Variants in RBFOX1 observed in about 807,000 individuals in gnomAD.
The protein encoded by RBFOX1 is RNA binding fox-1 homolog 1.
In RBFOX1, 8 loss-of-function variants were observed where a neutral mutation model predicts 57.7. That is an observed-to-expected ratio of 0.14 (90% CI 0.08 to 0.25). The LOEUF (loss-of-function observed/expected upper bound fraction) is 0.25. Among genes scored for constraint, RBFOX1 ranks in the 10% least tolerant of loss-of-function variants. The probability of loss-of-function intolerance (pLI) is 1.00; values close to 1 mark genes in which losing one functional copy is unlikely to be tolerated. For missense variants in RBFOX1, 611 were observed against 548.5 expected, an observed-to-expected ratio of 1.11 and a Z score of -1.14; for synonymous variants, 326 against 222.4, an observed-to-expected ratio of 1.47 and a Z score of -4.15.
In RBFOX1 at chr16:6,814,864, T is replaced by A. The variant is rs369015627; in HGVS notation, c.-16+160214T>A. Among the ~76,000 whole-genome samples the A allele has an allele frequency of 2.2e-4, 34 of 152,174 alleles. 1 individual carries two copies. Among genetic ancestry groups the A allele is most frequent in the East Asian group, 1.4e-3 (7 of 5,160 alleles). The stretch of plus-strand genomic sequence containing the variant: ...TCCTGATCCAGACGCCAAGAGAGGG[T>A]TCTTGGACCTTGCACAGAAAAGAAT... On this transcript the variant is annotated intron_variant, in intron 3 of 15. Coordinates refer to ENST00000550418, the MANE Select transcript of RBFOX1 (RefSeq NM_018723.4).
chr16:7,661,280 A>G (rs1035273948), intron 12 of RBFOX1, among the ~76,000 whole-genome samples: 1 of 152,140 alleles, frequency 6.6e-6, no homozygotes. Flanking sequence ...TAATCCCTTC[A>G]TGATGGGGTT....
At chr16:5,618,051 A>G (rs965546943) in intron 3 of RBFOX1, among the ~76,000 whole-genome samples, 1 of 152,226 alleles carries the variant, frequency 6.6e-6, no homozygotes, top group African/African-American at 2.4e-5. Context: ...GGAGTACACA[A>G]CATTATGAAT....
chr16:6,601,243 C>G (rs1164185928), intron 2 of RBFOX1, among the ~76,000 whole-genome samples: 2 of 152,020 alleles, frequency 1.3e-5, no homozygotes, highest in African/African-American at 4.8e-5. Flanking sequence ...ACGAATTGAA[C>G]CAGCATATAA....
chr16:7,473,909 C>G (rs996006247), intron 4 of RBFOX1, among the ~76,000 whole-genome samples: 25 of 152,140 alleles, frequency 1.6e-4, no homozygotes, highest in African/African-American at 5.8e-4. Context: ...CTTTTTGTAA[C>G]CTCCCTCAAG....
At chr16:5,467,766 A>T (rs929769448) in intron 2 of RBFOX1, among the ~76,000 whole-genome samples, 1 of 152,216 alleles carries the variant, frequency 6.6e-6, no homozygotes, top group South Asian at 2.1e-4. Context: ...GTAATTTCTA[A>T]TGAAGCCACA....
chr16:5,569,693 T>G (rs1596310370), intron 2 of RBFOX1, among the ~76,000 whole-genome samples: 2 of 151,928 alleles, frequency 1.3e-5, no homozygotes, highest in South Asian at 4.2e-4. Flanking sequence ...ACCACTCAGC[T>G]TGGTAGAGTG....
chr16:6,968,199 G>A (rs2084721232), intron 3 of RBFOX1, among the ~76,000 whole-genome samples: 3 of 152,158 alleles, frequency 2.0e-5, no homozygotes, highest in Non-Finnish European at 4.4e-5. Flanking sequence ...TCTCTTTTCA[G>A]TTCAGAGTGA....
At chr16:6,513,249 A>G (rs911511451) in intron 2 of RBFOX1, among the ~76,000 whole-genome samples, 4 of 152,186 alleles carry the variant, frequency 2.6e-5, no homozygotes, top group African/African-American at 9.6e-5. Flanking sequence ...AATGCTGGGC[A>G]CTTAGCACAG....
chr16:5,843,253 A>G (rs1346122743), intron 3 of RBFOX1, among the ~76,000 whole-genome samples: 2 of 152,168 alleles, frequency 1.3e-5, no homozygotes, highest in Non-Finnish European at 2.9e-5. Flanking sequence ...TAAGCCTCGG[A>G]CCCAATAGTT....
intron 3 of RBFOX1, among the ~76,000 whole-genome samples, chr16:5,717,746 A>G (rs558525199): frequency 6.6e-6 from 1 of 152,208 alleles, no homozygotes; most frequent in Non-Finnish European, 1.5e-5. Context: ...AACTACCAAT[A>G]ACAATAATTC....
At position 5,495,307 on chromosome 16, in the gene RBFOX1, A is replaced by T. The variant is rs1339501157; in HGVS notation, c.258+28053A>T. ...AGTCTTTCCTCTAGAGTCTGCAGCG[A>T]TTCTCGAATCTTGCCTCTTGAATCT... On this transcript the variant is annotated intron_variant, in intron 2 of 2. Transcript: ENST00000585867. Among the ~76,000 whole-genome samples, 3 of 152,230 alleles carry T rather than the reference A, an allele frequency of 2.0e-5. No individual in the cohort carries two copies. The East Asian group carries it at 5.8e-4, about 29-fold the overall frequency.
chr16:6,091,191 T>C (rs1438388520), intron 1 of RBFOX1, among the ~76,000 whole-genome samples: 1 of 152,200 alleles, frequency 6.6e-6, no homozygotes, highest in East Asian at 1.9e-4. Flanking sequence ...ATTAACCGAT[T>C]TGTCTTCATT....
chr16:5,675,416 T>A (rs527705500), intron 3 of RBFOX1, among the ~76,000 whole-genome samples: 14 of 152,184 alleles, frequency 9.2e-5, no homozygotes, highest in African/African-American at 1.4e-4. Flanking sequence ...ATCCCTGGGT[T>A]TTCAGCCAGG....
chr16:5,429,463 C>T (rs935997526), intron 1 of RBFOX1, among the ~76,000 whole-genome samples: 1 of 152,162 alleles, frequency 6.6e-6, no homozygotes, highest in Non-Finnish European at 1.5e-5. Flanking sequence ...TGGCAAGGCT[C>T]CTTGGTCTCA....
rs2059599305 is a variant in RBFOX1, at chr16:5,955,118, T to TTAAAAAAAAAAAAAA, written c.351+87783_351+87784insTAAAAAAAAAAAAAA. ...CAACAGGGTGAAACTCCATCTCTAC[T>TTAAAAAAAAAAAAAA]AAAAAAAAAAAAAAAAAAAAAAAAA... On this transcript the variant is annotated intron_variant, in intron 4 of 19. Transcript: ENST00000641259. Among the ~76,000 whole-genome samples, 21 of 14,288 alleles carry TTAAAAAAAAAAAAAA rather than the reference T, an allele frequency of 1.5e-3. 4 individuals are homozygous for TTAAAAAAAAAAAAAA. The highest frequency in any genetic ancestry group is 7.5e-3 in the African/African-American group (21 of 2,794). The allele number at this position is 14,288 out of a possible 152,430, so 9.4% of individuals were successfully genotyped here. A position where few individuals can be genotyped will look rare whatever the true frequency, so the allele number is the denominator to read the frequency against.
At chr16:6,444,872 C>T (rs902758286) in intron 2 of RBFOX1, among the ~76,000 whole-genome samples, 1 of 152,018 alleles carries the variant, frequency 6.6e-6, no homozygotes, top group Non-Finnish European at 1.5e-5. Context: ...GGGAGTCACA[C>T]ACAGGTTTGA....
intron 14 of RBFOX1, among the ~76,000 whole-genome samples, chr16:7,701,590 C>G (rs190539087): frequency 2.0e-5 from 3 of 152,148 alleles, no homozygotes; most frequent in African/African-American, 7.2e-5. Context: ...CCAAGAAGGC[C>G]AGGGACTTCT....
intron 2 of RBFOX1, among the ~76,000 whole-genome samples, chr16:6,319,690 G>A (rs967160700): frequency 1.2e-4 from 19 of 152,166 alleles, no homozygotes; most frequent in Non-Finnish European, 2.6e-4. Flanking sequence ...CCAGGAACCA[G>A]CATCTGTTTT....
At chr16:7,370,634 C>G (rs7185341) in intron 4 of RBFOX1, among the ~76,000 whole-genome samples, 28,526 of 152,120 alleles carry the variant, frequency 0.19, 4,387 homozygotes, top group African/African-American at 0.43. Flanking sequence ...CTCATTAGCA[C>G]ATCCTAGGCA....
Sources: allele counts gnomAD v4.1 joint callset (sites outside exome capture counted in the v4.1 genomes callset), GRCh38; gene constraint gnomAD v4.1.1; transcripts MANE v1.5; gene names NCBI Gene and HGNC (gene_info 2026-07-23, HGNC 2026-07-21).